The following XKR6 variants were observed in gnomAD, a reference collection of about 807,000 sequenced individuals.
The protein encoded by XKR6 is XK related 6, also known as XK-related protein 6.
In XKR6, 22 loss-of-function variants were observed where a neutral mutation model predicts 56.7. That is an observed-to-expected ratio of 0.39 (90% CI 0.28 to 0.55). The LOEUF (loss-of-function observed/expected upper bound fraction) is 0.55, where lower values mean the gene tolerates loss of function less well. XKR6 is among the 20% of genes least tolerant of loss of function. The pLI is 0.66. For missense variants in XKR6, 852 were observed against 889.0 expected (o/e 0.96, Z 0.53); for synonymous variants, 524 against 387.8 (o/e 1.35, Z -4.13).
In XKR6 at chr8:11,011,718, C is replaced by T. The variant is rs529984788; in HGVS notation, c.765-86888G>A. On this transcript the variant is annotated intron_variant, in intron 1 of 2. Transcript: ENST00000416569. Reference sequence around the variant, plus strand: ...GGACAGAGGCTGCGATGCGGGAAGGCCTCAAAAGATGTTTGAGTAAAGAGC... The same window carrying T: ...GGACAGAGGCTGCGATGCGGGAAGGTCTCAAAAGATGTTTGAGTAAAGAGC... 2.8e-4 allele frequency among the ~76,000 whole-genome samples: 42 copies of T among 152,234 alleles called. 1 individual carries two copies. Among genetic ancestry groups the T allele is most frequent in the African/African-American group, 9.4e-4 (39 of 41,540 alleles).
At chr8:11,061,651 G>C (rs1184732161) in intron 1 of XKR6, among the ~76,000 whole-genome samples, 1 of 152,134 alleles carries the variant, frequency 6.6e-6, no homozygotes, top group African/African-American at 2.4e-5. Flanking sequence ...ACCCTGGCCT[G>C]GTGGGAGGGC....
chr8:10,932,890 G>C (rs896916460), intron 1 of XKR6, among the ~76,000 whole-genome samples: 3 of 140,750 alleles, frequency 2.1e-5, no homozygotes, highest in Admixed American at 2.1e-4. Flanking sequence ...AAACATACGT[G>C]TGCATGTGTC....
intron 1 of XKR6, among the ~76,000 whole-genome samples, chr8:11,064,589 T>C (rs1799929991): frequency 6.6e-6 from 1 of 152,278 alleles, no homozygotes; most frequent in South Asian, 2.1e-4. Flanking sequence ...CTGCCATCTG[T>C]CAAATATAAA....
At chr8:11,062,895 C>T (rs762320622) in intron 1 of XKR6, 5 of 455,070 alleles carry the variant, frequency 1.1e-5, no homozygotes, top group Non-Finnish European at 2.2e-5. Context: ...AGACGTCGTA[C>T]TGAAATTCCC....
chr8:11,095,590 T>G (rs759731973), intron 1 of XKR6, among the ~76,000 whole-genome samples: 1 of 152,208 alleles, frequency 6.6e-6, no homozygotes, highest in Non-Finnish European at 1.5e-5. Context: ...AGTGAACAGA[T>G]GTACTGACTG....
intron 1 of XKR6, among the ~76,000 whole-genome samples, chr8:10,982,927 CT>C (rs2129137851): frequency 6.6e-6 from 1 of 152,306 alleles, no homozygotes; most frequent in African/African-American, 2.4e-5. Flanking sequence ...ATTTCCGCTC[CT>C]TCCTAGCTAT....
chr8:11,178,318 T>C lies in XKR6; in HGVS notation c.764+22258A>G, dbSNP rs141144368. Among the ~76,000 whole-genome samples, 108 of 152,020 alleles carry C rather than the reference T, an allele frequency of 7.1e-4. 1 individual carries two copies. In the Middle Eastern group the frequency reaches 0.01, roughly 14 times the overall value. On this transcript the variant is annotated intron_variant, in intron 1 of 2. Transcript: ENST00000416569. The stretch of plus-strand genomic sequence containing the variant: ...AATAATAGTAAGAAACTTTAAAAAC[T>C]ACAAATGGGCCAAAAAACATAAGGT...
chr8:11,077,434 G>A (rs574555546), intron 1 of XKR6, among the ~76,000 whole-genome samples: 1 of 152,182 alleles, frequency 6.6e-6, no homozygotes, highest in Non-Finnish European at 1.5e-5. Context: ...GGAGTCTCAA[G>A]CACTTTGAGT....
At chr8:11,164,601 T>C (rs1337258134) in intron 1 of XKR6, among the ~76,000 whole-genome samples, 6 of 152,222 alleles carry the variant, frequency 3.9e-5, no homozygotes, top group African/African-American at 1.4e-4. Context: ...ATAAGGTATG[T>C]GGCCAAAACA....
chr8:11,105,132 TC>T (rs1174623819), intron 1 of XKR6: 7 of 151,960 alleles, frequency 4.6e-5, no homozygotes, highest in African/African-American at 1.7e-4. Flanking sequence ...AGCAAATAGG[TC>T]CTCTAGGCAG....
intron 1 of XKR6, among the ~76,000 whole-genome samples, chr8:11,193,343 T>C (rs951663981): frequency 2.6e-5 from 4 of 152,214 alleles, no homozygotes; most frequent in African/African-American, 9.6e-5. Flanking sequence ...GAAGAAATTT[T>C]TTGTTAGAAA....
At chr8:10,944,491 G>T (rs11250094) in intron 1 of XKR6, among the ~76,000 whole-genome samples, 2 of 151,918 alleles carry the variant, frequency 1.3e-5, no homozygotes, top group Non-Finnish European at 1.5e-5. Flanking sequence ...TCACCACACG[G>T]CAGGGCAGGG....
chr8:11,108,514 G>C (rs972356837), intron 1 of XKR6: 5 of 369,314 alleles, frequency 1.4e-5, no homozygotes. Context: ...AACCCACTAA[G>C]CCAGCAGGAG....
At chr8:10,916,096 G>C (rs553985866) in intron 2 of XKR6, among the ~76,000 whole-genome samples, 2 of 152,380 alleles carry the variant, frequency 1.3e-5, no homozygotes, top group South Asian at 4.1e-4. Flanking sequence ...CCATGGAGAA[G>C]GAGGGGCTCT....
intron 1 of XKR6, among the ~76,000 whole-genome samples, chr8:11,009,248 C>T (rs1798445552): frequency 6.6e-6 from 1 of 152,200 alleles, no homozygotes; most frequent in Non-Finnish European, 1.5e-5. Context: ...TGGTGACTCA[C>T]ACCTGTAATC....
chr8:11,132,090 C>T (rs373616620), intron 1 of XKR6, among the ~76,000 whole-genome samples: 2 of 152,062 alleles, frequency 1.3e-5, no homozygotes, highest in Admixed American at 6.6e-5. Flanking sequence ...TCCACTGACC[C>T]GAGATTCTGA....
chr8:11,196,186 G>C (rs1442024686), intron 1 of XKR6, among the ~76,000 whole-genome samples: 2 of 152,002 alleles, frequency 1.3e-5, no homozygotes, highest in African/African-American at 4.8e-5. Flanking sequence ...GCATTAGAGG[G>C]ACATTACAGA....
Position 10,898,414 on chromosome 8 carries a change from G to C in XKR6, c.1464C>G (p.Ile488Met). The C allele has an allele frequency of 6.2e-7, 1 of 1,613,966 alleles. No individual in the cohort carries two copies. The highest frequency in any genetic ancestry group is 8.5e-7 in the Non-Finnish European group (1 of 1,179,984). Residue 488 changes from isoleucine (I) to methionine (M), a missense_variant, in exon 3 of 3, where the codon ATC (isoleucine) becomes ATG (methionine). Physicochemically the swap from Ile to Met is conservative, Grantham distance 10. This residue lies in a region of XKR6 where 197 missense variants were observed against 190.9 expected (regional missense o/e 1.03). Transcript: ENST00000416569. This position sits in a 1 kb window ranked among gnomAD's most constrained non-coding sequence, Gnocchi z 6.6. ...CGCCATAGTATAAGAGCATCATTGC[G>C]ATCCCAGCCACAAAGCTAATAAAGA... ...CCVFISFVAG[I>M]AMMLLYYGVL...
At chr8:11,185,248 C>T (rs1377090630) in intron 1 of XKR6, among the ~76,000 whole-genome samples, 2 of 152,158 alleles carry the variant, frequency 1.3e-5, no homozygotes, top group African/African-American at 4.8e-5. Context: ...TCTCACGTTG[C>T]ATTAATCTTT....
Sources: allele counts gnomAD v4.1 joint callset (sites outside exome capture counted in the v4.1 genomes callset), GRCh38; gene constraint gnomAD v4.1.1; regional missense constraint gnomAD v4.1.1; non-coding constraint Gnocchi (gnomAD v3.1); transcripts MANE v1.5; gene names NCBI Gene and HGNC (gene_info 2026-07-23, HGNC 2026-07-21).